JMJD1C: variants seen among roughly 807,000 people sequenced by gnomAD.
JMJD1C encodes the protein jumonji domain-containing protein 1C.
Under a neutral mutation model 245.3 loss-of-function variants are expected in JMJD1C, and 31 were observed. The ratio of observed to expected loss-of-function variants is 0.13; its 90% confidence interval spans 0.09 to 0.17. The LOEUF (loss-of-function observed/expected upper bound fraction) is 0.17, where lower values mean the gene tolerates loss of function less well. JMJD1C is among the 10% of genes least tolerant of loss of function. JMJD1C has a pLI of 1.00. For missense variants in JMJD1C, 2,691 were observed against 3,000.2 expected, an observed-to-expected ratio of 0.90 and a Z score of 2.41; for synonymous variants, 1,057 against 1,017.4, an observed-to-expected ratio of 1.04 and a Z score of -0.74.
chr10:63,504,696 C>G (rs1954663349), intron 1 of JMJD1C, among the ~76,000 whole-genome samples: 1 of 151,982 alleles, frequency 6.6e-6, no homozygotes, highest in Non-Finnish European at 1.5e-5. Flanking sequence ...CTCATTTGTG[C>G]ACTAAAAAGG....
intron 1 of JMJD1C, among the ~76,000 whole-genome samples, chr10:63,429,925 T>C (rs1950650167): frequency 6.6e-6 from 1 of 152,218 alleles, no homozygotes; most frequent in South Asian, 2.1e-4. Flanking sequence ...CTTGCTATCC[T>C]AGTAATTGTA....
At chr10:63,303,010 A>G (rs1291369094) in intron 2 of JMJD1C, among the ~76,000 whole-genome samples, 2 of 152,188 alleles carry the variant, frequency 1.3e-5, no homozygotes, top group Non-Finnish European at 2.9e-5. Context: ...CAGCCTCTCC[A>G]GTATCTGGGA....
At chr10:63,354,675 T>TTTGC (rs66899201) in intron 2 of JMJD1C, among the ~76,000 whole-genome samples, 1 of 13,896 alleles carries the variant, frequency 7.2e-5, no homozygotes, top group Non-Finnish European at 5.1e-3. Context: ...TTCTACTGCT[T>TTTGC]TTTTCTGTTT....
intron 1 of JMJD1C, among the ~76,000 whole-genome samples, chr10:63,514,545 C>T (rs1369174439): frequency 6.6e-6 from 1 of 152,094 alleles, no homozygotes; most frequent in East Asian, 1.9e-4. Flanking sequence ...CCAAATACTG[C>T]ATGCCCTAAC....
chr10:63,344,668 G>A (rs773981973), intron 2 of JMJD1C, among the ~76,000 whole-genome samples: 26 of 151,252 alleles, frequency 1.7e-4, no homozygotes, highest in Non-Finnish European at 2.9e-4. Flanking sequence ...ATTCAAAGTT[G>A]AAAAGAAACC....
intron 2 of JMJD1C, among the ~76,000 whole-genome samples, chr10:63,327,088 G>A (rs979765687): frequency 2.6e-5 from 4 of 152,136 alleles, no homozygotes; most frequent in African/African-American, 9.7e-5. Context: ...CGAGGAGGCT[G>A]AGGTAGGAGA....
upstream of JMJD1C, among the ~76,000 whole-genome samples, chr10:63,466,782 G>GA (rs200090709): frequency 1.4e-5 from 2 of 146,768 alleles, no homozygotes; most frequent in Non-Finnish European, 3.0e-5. Flanking sequence ...CACAATTCAA[G>GA]AAAAAAAATA....
chr10:63,399,578 A>G (rs2132571318), intron 1 of JMJD1C, among the ~76,000 whole-genome samples: 1 of 152,286 alleles, frequency 6.6e-6, no homozygotes, highest in South Asian at 2.1e-4. Context: ...TTACTTTGTC[A>G]CACAATATAT....
At chr10:63,443,285 T>C (rs1441701062) in intron 1 of JMJD1C, among the ~76,000 whole-genome samples, 1 of 152,184 alleles carries the variant, frequency 6.6e-6, no homozygotes, top group Non-Finnish European at 1.5e-5. Context: ...TCCCATCATT[T>C]ACAGGGTTTT....
intron 1 of JMJD1C, among the ~76,000 whole-genome samples, chr10:63,460,503 A>G (rs1488143994): frequency 6.6e-6 from 1 of 152,232 alleles, no homozygotes; most frequent in Non-Finnish European, 1.5e-5. Context: ...TGGGTAACAG[A>G]GCAAGACCCT....
At chr10:63,300,819 G>A (rs1859990731) in intron 2 of JMJD1C, among the ~76,000 whole-genome samples, 1 of 151,344 alleles carries the variant, frequency 6.6e-6, no homozygotes, top group South Asian at 2.1e-4. Context: ...TCGAACCCGG[G>A]AGAAAGGGGT....
chr10:63,501,897 G>A (rs1954574192), intron 1 of JMJD1C, among the ~76,000 whole-genome samples: 1 of 152,126 alleles, frequency 6.6e-6, no homozygotes, highest in African/African-American at 2.4e-5. Context: ...TCCTAAGAAA[G>A]AAAAAGAAGG....
chr10:63,481,736 T>G (rs933698629), intron 1 of JMJD1C, among the ~76,000 whole-genome samples: 4 of 152,042 alleles, frequency 2.6e-5, no homozygotes, highest in African/African-American at 7.2e-5. Flanking sequence ...TTTTGAGGAC[T>G]GAAAGAGGTA....
chr10:63,329,678 C>A (rs959147181), intron 2 of JMJD1C, among the ~76,000 whole-genome samples: 5 of 152,096 alleles, frequency 3.3e-5, no homozygotes, highest in Non-Finnish European at 5.9e-5. Flanking sequence ...TCTGACATTG[C>A]AAAAGCAATA....
intron 2 of JMJD1C, among the ~76,000 whole-genome samples, chr10:63,274,454 A>C (rs1856599566): frequency 6.6e-6 from 1 of 151,918 alleles, no homozygotes; most frequent in Admixed American, 6.6e-5. Flanking sequence ...GGTCCCAGCT[A>C]CTCAGGAGGC....
chr10:63,173,476 CTT>C (rs918582045), intron 24 of JMJD1C, among the ~76,000 whole-genome samples: 1 of 152,176 alleles, frequency 6.6e-6, no homozygotes, highest in Non-Finnish European at 1.5e-5. Flanking sequence ...AATCCCAACA[CTT>C]TGGGAGGCCA....
intron 3 of JMJD1C, among the ~76,000 whole-genome samples, chr10:63,231,702 G>C (rs1413109082): frequency 1.3e-5 from 2 of 152,168 alleles, no homozygotes; most frequent in Non-Finnish European, 2.9e-5. Context: ...GCTGAGACAG[G>C]AGAATCGCTT....
At chr10:63,297,044 C>T (rs1472620885) in intron 2 of JMJD1C, among the ~76,000 whole-genome samples, 2 of 152,176 alleles carry the variant, frequency 1.3e-5, no homozygotes, top group Non-Finnish European at 2.9e-5. Flanking sequence ...AACCAGTCAT[C>T]TCCTTTGGCA....
chr10:63,317,998 C>A (rs576821346), intron 2 of JMJD1C, among the ~76,000 whole-genome samples: 1 of 152,018 alleles, frequency 6.6e-6, no homozygotes, highest in African/African-American at 2.4e-5. Flanking sequence ...TAGCCATGCA[C>A]CACCACGCTC....
Sources: allele counts gnomAD v4.1 joint callset (sites outside exome capture counted in the v4.1 genomes callset), GRCh38; gene constraint gnomAD v4.1.1; transcripts MANE v1.5; gene names NCBI Gene and HGNC (gene_info 2026-07-23, HGNC 2026-07-21).